ZFHX3: variants seen among roughly 807,000 people sequenced by gnomAD.
The protein encoded by ZFHX3 is zinc finger homeobox protein 3.
In ZFHX3, 42 loss-of-function variants were observed where a neutral mutation model predicts 279.1. The observed-to-expected ratio is 0.15, with a 90% confidence interval of 0.12 to 0.19. The LOEUF (loss-of-function observed/expected upper bound fraction) is 0.19, where lower values mean the gene tolerates loss of function less well. Among genes scored for constraint, ZFHX3 ranks in the 10% least tolerant of loss-of-function variants. The pLI is 1.00. For missense variants in ZFHX3, 4,981 were observed against 4,754.0 expected, an observed-to-expected ratio of 1.05 and a Z score of -1.40; for synonymous variants, 2,293 against 1,957.8, an observed-to-expected ratio of 1.17 and a Z score of -4.52.
chr16:73,337,411 C>T (rs2015935126), intron 3 of ZFHX3, among the ~76,000 whole-genome samples: 1 of 152,150 alleles, frequency 6.6e-6, no homozygotes, highest in African/African-American at 2.4e-5. Flanking sequence ...ATCCCAAATA[C>T]CATAGTGCCA....
At chr16:73,364,732 T>C (rs1472488687) in intron 3 of ZFHX3, among the ~76,000 whole-genome samples, 1 of 152,216 alleles carries the variant, frequency 6.6e-6, no homozygotes, top group African/African-American at 2.4e-5. Flanking sequence ...CTTGAACTGT[T>C]GGCTTGTAAG....
intron 4 of ZFHX3, among the ~76,000 whole-genome samples, chr16:73,291,546 T>C (rs1253795431): frequency 6.6e-6 from 1 of 152,188 alleles, no homozygotes; most frequent in Non-Finnish European, 1.5e-5. Context: ...ATGGAGTTGC[T>C]CAGGAGAGCA....
At chr16:73,653,875 G>A (rs535430768) in intron 2 of ZFHX3, among the ~76,000 whole-genome samples, 5 of 152,076 alleles carry the variant, frequency 3.3e-5, no homozygotes, top group Admixed American at 2.0e-4. Flanking sequence ...GACTGCAGAT[G>A]GTGCCATCAT....
chr16:73,034,699 GAGAGT>G (rs1468629836), intron 1 of ZFHX3, among the ~76,000 whole-genome samples: 1 of 152,240 alleles, frequency 6.6e-6, no homozygotes, highest in Non-Finnish European at 1.5e-5. Context: ...AGGAATGAAT[GAGAGT>G]GGGGCTGTCC....
intron 2 of ZFHX3, among the ~76,000 whole-genome samples, chr16:73,590,007 G>T (rs1412628520): frequency 6.6e-6 from 1 of 152,226 alleles, no homozygotes; most frequent in Non-Finnish European, 1.5e-5. Flanking sequence ...TTCAGTAATT[G>T]TATTGGTGGT....
intron 3 of ZFHX3, among the ~76,000 whole-genome samples, chr16:72,898,213 T>C (rs1172218112): frequency 2.6e-5 from 4 of 152,198 alleles, no homozygotes; most frequent in Non-Finnish European, 4.4e-5. Context: ...TTCTATTTCA[T>C]TGTAGGATCC....
intron 1 of ZFHX3, among the ~76,000 whole-genome samples, chr16:73,838,461 A>T (rs1444803037): frequency 6.6e-6 from 1 of 152,222 alleles, no homozygotes; most frequent in Non-Finnish European, 1.5e-5. Context: ...TACATGGTAA[A>T]ATCAGCTACA....
chr16:72,965,637 A>C (rs1961799936), intron 1 of ZFHX3, among the ~76,000 whole-genome samples: 1 of 152,218 alleles, frequency 6.6e-6, no homozygotes, highest in South Asian at 2.1e-4. Context: ...GAGACCACAC[A>C]CAAATACACT....
At chr16:73,435,705 T>C (rs184273391) in intron 3 of ZFHX3, among the ~76,000 whole-genome samples, 16 of 152,324 alleles carry the variant, frequency 1.1e-4, no homozygotes, top group African/African-American at 3.6e-4. Flanking sequence ...CAGTTCCCAT[T>C]TCGTGTCTCA....
rs553164833 is a variant in ZFHX3, at chr16:73,806,468, T to C, written c.-1608+85183A>G. On this transcript the variant is annotated intron_variant, in intron 1 of 17. Coordinates refer to the ZFHX3 transcript ENST00000641206. ...GGCTTTAGCTCCGCTGAATACAGTG[T>C]TGGCCTTTGGGGCAATATGGGGAAA... Among the ~76,000 whole-genome samples, 387 of 152,290 alleles carry C rather than the reference T, an allele frequency of 2.5e-3. 3 individuals carry two copies. The highest frequency in any genetic ancestry group is 4.4e-3 in the Non-Finnish European group (298 of 68,024).
rs76478188 is a variant in ZFHX3 at position 73,145,202 on chromosome 16, G to T, written c.-1103-1371C>A. 3.0e-3 allele frequency among the ~76,000 whole-genome samples: 457 copies of T among 152,226 alleles called. 1 individual carries two copies. The highest frequency in any genetic ancestry group is 5.1e-3 in the Non-Finnish European group (349 of 68,016). ...TTCAAGCTCAAGCCTCCTGTTGGGG[G>T]AGCAGGGGTGACCAGAGAGCCCTGC... On this transcript the variant is annotated intron_variant, in intron 5 of 17. Transcript: ENST00000641206.
chr16:73,576,119 G>T (rs1217398924), intron 2 of ZFHX3, among the ~76,000 whole-genome samples: 1 of 151,938 alleles, frequency 6.6e-6, no homozygotes, highest in African/African-American at 2.4e-5. Flanking sequence ...GGCACCCACT[G>T]GGAAGAAAAC....
intron 3 of ZFHX3, among the ~76,000 whole-genome samples, chr16:72,894,086 T>C (rs1396774764): frequency 6.6e-6 from 1 of 150,950 alleles, no homozygotes; most frequent in African/African-American, 2.4e-5. Context: ...GAGGCAGAGG[T>C]TGCAGTGAGC....
chr16:73,652,961 A>G (rs1028854149), intron 2 of ZFHX3, among the ~76,000 whole-genome samples: 12 of 152,162 alleles, frequency 7.9e-5, no homozygotes, highest in Non-Finnish European at 1.6e-4. Flanking sequence ...AACAAAATCA[A>G]TTCATAATGA....
rs575692188 is a variant in ZFHX3, at chr16:72,850,939, G to T, written c.3449-21080C>A. On this transcript the variant is annotated intron_variant, in intron 4 of 9. Coordinates refer to ENST00000268489, the MANE Select transcript of ZFHX3 (RefSeq NM_006885.4). ...AACTGGTGGGAAGCAGATGGGGTTG[G>T]GGGGAGAAAGTAGCTTTGGGCCAAG... is the stretch of plus-strand genomic sequence containing the variant. Among the ~76,000 whole-genome samples the T allele has an allele frequency of 2.0e-5, 3 of 152,218 alleles. No individual in the cohort carries two copies. The East Asian group carries it at 5.8e-4, about 29-fold the overall frequency.
At chr16:73,210,792 C>T (rs902848397) in intron 5 of ZFHX3, among the ~76,000 whole-genome samples, 1 of 152,072 alleles carries the variant, frequency 6.6e-6, no homozygotes, top group African/African-American at 2.4e-5. Flanking sequence ...GACAAGAAAA[C>T]CACAGAAAGA....
intron 8 of ZFHX3, chr16:73,093,041 A>G (rs1567661196): frequency 3.8e-6 from 2 of 519,906 alleles, no homozygotes; most frequent in Admixed American, 1.9e-5. Flanking sequence ...CCTTTCAAAC[A>G]TCTCTCTAAC....
intron 3 of ZFHX3, among the ~76,000 whole-genome samples, chr16:73,348,327 T>C (rs1400835258): frequency 6.6e-6 from 1 of 152,206 alleles, no homozygotes; most frequent in Non-Finnish European, 1.5e-5. Flanking sequence ...AGCAGCTCCG[T>C]TAAGTCTCCC....
At chr16:73,327,033 G>C (rs539033669) in intron 3 of ZFHX3, among the ~76,000 whole-genome samples, 11 of 152,324 alleles carry the variant, frequency 7.2e-5, no homozygotes, top group East Asian at 5.8e-4. Context: ...ATCTCAAAAG[G>C]CTCTTTGAAA....
Sources: gnomAD v4.1 joint callset for allele counts (sites outside exome capture counted in the v4.1 genomes callset) on GRCh38, gnomAD v4.1.1 for gene constraint, MANE v1.5 for transcripts, NCBI Gene and HGNC (gene_info 2026-07-23, HGNC 2026-07-21) for gene names.